KIAA1549L: variants seen among roughly 807,000 people sequenced by gnomAD.
KIAA1549L encodes the protein KIAA1549 like, also known as UPF0606 protein KIAA1549L.
Under a neutral mutation model 160.7 loss-of-function variants are expected in KIAA1549L, and 88 were observed. The ratio of observed to expected loss-of-function variants is 0.55; its 90% CI spans 0.46 to 0.65. The LOEUF is 0.65. KIAA1549L is among the 30% of genes least tolerant of loss of function. The pLI is 0.00. For missense variants in KIAA1549L, 2,258 were observed against 2,437.5 expected (o/e 0.93, Z 1.55); for synonymous variants, 950 against 976.7 (o/e 0.97, Z 0.51).
At chr11:33,379,278 A>C (rs1325439913) in intron 1 of KIAA1549L, among the ~76,000 whole-genome samples, 4 of 152,040 alleles carry the variant, frequency 2.6e-5, no homozygotes, top group Non-Finnish European at 5.9e-5. Flanking sequence ...TTCCCAGTCT[A>C]CTTCCACCCA....
intron 1 of KIAA1549L, among the ~76,000 whole-genome samples, chr11:33,508,316 C>G (rs1026370206): frequency 2.6e-5 from 4 of 152,204 alleles, no homozygotes; most frequent in Admixed American, 6.5e-5. Context: ...ACCATCCAGC[C>G]ACGGTGGCTT....
chr11:33,484,860 TA>T, intron 1 of KIAA1549L, among the ~76,000 whole-genome samples: 1 of 152,178 alleles, frequency 6.6e-6, no homozygotes, highest in East Asian at 1.9e-4. Flanking sequence ...CTTGCAGCTT[TA>T]AAATAAGTAG....
intron 1 of KIAA1549L, among the ~76,000 whole-genome samples, chr11:33,447,855 C>A (rs1225579086): frequency 6.6e-6 from 1 of 151,928 alleles, no homozygotes; most frequent in African/African-American, 2.4e-5. Context: ...TGAATAAATG[C>A]AAGAGTGAAG....
rs552438784 is a variant in KIAA1549L, at chr11:33,630,055, G to T, written c.5409+11393G>T. 5.9e-5 allele frequency among the ~76,000 whole-genome samples: 9 copies of T among 152,244 alleles called. No individual in the cohort carries two copies. In the East Asian group the frequency reaches 1.7e-3, roughly 29 times the overall value. On this transcript the variant is annotated intron_variant, in intron 16 of 20. Transcript: ENST00000658780. ...GTTGGAGTACTGGACCGTGTGAGGT[G>T]TCAGTCTGCCTCTGCTGGGGGGTGC...
intron 1 of KIAA1549L, among the ~76,000 whole-genome samples, chr11:33,516,851 G>A (rs892028150): frequency 2.0e-5 from 3 of 152,142 alleles, no homozygotes; most frequent in Non-Finnish European, 4.4e-5. Flanking sequence ...ACTGTGTGGT[G>A]GCAGGCAACA....
chr11:33,466,464 A>G (rs1183353331), intron 1 of KIAA1549L, among the ~76,000 whole-genome samples: 1 of 152,172 alleles, frequency 6.6e-6, no homozygotes, highest in Non-Finnish European at 1.5e-5. Context: ...AAAGTCAGGA[A>G]ATAACAGACG....
At chr11:33,627,866 A>C (rs1288616623) in intron 16 of KIAA1549L, among the ~76,000 whole-genome samples, 2 of 150,182 alleles carry the variant, frequency 1.3e-5, no homozygotes, top group African/African-American at 4.9e-5. Flanking sequence ...TAGTTCTTTT[A>C]ATTGTGATGT....
intron 18 of KIAA1549L, among the ~76,000 whole-genome samples, chr11:33,656,381 G>A (rs547095411): frequency 5.3e-5 from 8 of 152,256 alleles, no homozygotes; most frequent in Non-Finnish European, 1.2e-4. Context: ...GCCTCAGACC[G>A]TGACCTTGAA....
intron 1 of KIAA1549L, chr11:33,403,129 A>G (rs911996829): frequency 2.6e-5 from 4 of 151,972 alleles, no homozygotes; most frequent in Non-Finnish European, 5.9e-5. Context: ...TATTTTGATA[A>G]TGTACAATAA....
rs537058538 is a variant in KIAA1549L at position 33,662,077 on chromosome 11, T to C, written c.6159+1063T>C. 1.6e-4 allele frequency among the ~76,000 whole-genome samples: 24 copies of C among 152,368 alleles called. No individual in the cohort carries two copies. The South Asian group carries it at 5.0e-3, about 32-fold the overall frequency. On this transcript the variant is annotated intron_variant, in intron 20 of 20. Coordinates refer to ENST00000658780, the MANE Select transcript of KIAA1549L (RefSeq NM_012194.3). ...AGAGTATACAATGTAATTTGCCTTT[T>C]ATGAATGATTCAGTATCCTTATGAT... is the stretch of plus-strand genomic sequence containing the variant.
At chr11:33,540,664 A>G (rs1853998621) in intron 1 of KIAA1549L, among the ~76,000 whole-genome samples, 1 of 152,222 alleles carries the variant, frequency 6.6e-6, no homozygotes, top group South Asian at 2.1e-4. Flanking sequence ...CATGCATTTT[A>G]ATGAAATACT....
chr11:33,609,908 G>A lies in KIAA1549L; in HGVS notation c.5221G>A (p.Glu1741Lys), dbSNP rs779255315. ...GTATGAAAAAGCCCCGAAGGAAATG[G>A]AGCATGTTTTGGATCCAGATTCAGA... ...KMYEKAPKEM[E>K]HVLDPDSELC... Residue 1741 changes from glutamate to lysine, a missense_variant, in exon 15 of 21, where the codon GAG becomes AAG. This residue lies in a region of KIAA1549L where 1,359 missense variants were observed against 1,546.6 expected (regional missense o/e 0.88). Transcript: ENST00000658780. 6.2e-7 allele frequency: 1 copy of A among 1,614,008 alleles called. No homozygotes were observed. Among genetic ancestry groups the A allele is most frequent in the African/African-American group, 1.3e-5 (1 of 75,060 alleles).
intron 16 of KIAA1549L, among the ~76,000 whole-genome samples, chr11:33,631,820 G>A (rs1851297816): frequency 2.0e-5 from 3 of 152,172 alleles, no homozygotes; most frequent in Admixed American, 2.0e-4. Context: ...CTCGAGGACA[G>A]GAGTCATGTT....
chr11:33,648,367 G>A (rs189925263), intron 17 of KIAA1549L, among the ~76,000 whole-genome samples: 75 of 151,834 alleles, frequency 4.9e-4, no homozygotes, highest in African/African-American at 1.8e-3. Flanking sequence ...TGTGAGGTCC[G>A]TATTTTCAGG....
intron 4 of KIAA1549L, 36 bp downstream of exon 4, chr11:33,547,915 A>G (rs1316232018): frequency 7.5e-7 from 1 of 1,338,062 alleles, no homozygotes; most frequent in Non-Finnish European, 1.1e-6. Context: ...CTAATCCATC[A>G]CAGTCTGGCT....
chr11:33,424,755 A>G (rs903196976), intron 1 of KIAA1549L, among the ~76,000 whole-genome samples: 6 of 152,228 alleles, frequency 3.9e-5, no homozygotes, highest in African/African-American at 1.2e-4. Context: ...GAGAATGATG[A>G]TCTTTGTTCA....
chr11:33,393,073 G>A (rs1732530202), intron 1 of KIAA1549L, among the ~76,000 whole-genome samples: 2 of 152,030 alleles, frequency 1.3e-5, no homozygotes, highest in South Asian at 2.1e-4. Flanking sequence ...ACCTTTTGTC[G>A]GCTCTTCATA....
At chr11:33,405,837 C>G in intron 1 of KIAA1549L, among the ~76,000 whole-genome samples, 1 of 29,394 alleles carries the variant, frequency 3.4e-5, no homozygotes, top group African/African-American at 2.3e-4. Flanking sequence ...GCCAGTCTGT[C>G]TCAAAAAAAA....
intron 1 of KIAA1549L, among the ~76,000 whole-genome samples, chr11:33,441,438 T>C (rs1173727900): frequency 6.3e-4 from 96 of 151,890 alleles, no homozygotes; most frequent in Middle Eastern, 3.4e-3. Flanking sequence ...ATATACCCAG[T>C]AATGGGATGG....
Sources: allele counts gnomAD v4.1 joint callset (sites outside exome capture counted in the v4.1 genomes callset), GRCh38; gene constraint gnomAD v4.1.1; regional missense constraint gnomAD v4.1.1; transcripts MANE v1.5; gene names NCBI Gene and HGNC (gene_info 2026-07-23, HGNC 2026-07-21).